The following RNF13 variants were observed in gnomAD, a reference collection of about 807,000 sequenced individuals.
RNF13 encodes the protein ring finger protein 13.
A neutral mutation model predicts 37.7 loss-of-function variants in RNF13; 19 were observed. The ratio of observed to expected loss-of-function variants is 0.50; its 90% CI spans 0.35 to 0.74. The LOEUF (loss-of-function observed/expected upper bound fraction) is 0.74, where lower values mean the gene tolerates loss of function less well. RNF13 is among the 30% of genes least tolerant of loss of function. RNF13 has a pLI of 0.01. For missense variants in RNF13, 375 were observed against 453.0 expected (o/e 0.83, Z 1.56); for synonymous variants, 144 against 157.8 (o/e 0.91, Z 0.65).
Position 149,960,924 on chromosome 3 carries a change from A to G in RNF13, c.966A>G (p.Ser322=). Reference sequence around the variant, plus strand: ...CTTTAGCTTCTGTCAGTGCCCAGTCATTTGGGGCTTTATCGGAATCCCGCT... The same window carrying G: ...CTTTAGCTTCTGTCAGTGCCCAGTCGTTTGGGGCTTTATCGGAATCCCGCT... ...LRPLASVSAQ[S]FGALSESRSH... Residue 322 remains serine (S), a synonymous_variant, in exon 10 of 10, where the codon TCA becomes TCG. Transcript: ENST00000392894. 1 of 1,614,182 alleles carries G rather than the reference A, an allele frequency of 6.2e-7. No individual in the cohort carries two copies. The highest frequency in any genetic ancestry group is 1.3e-5 in the African/African-American group (1 of 75,060).
chr3:149,942,174 T>G (rs1720347624), intron 8 of RNF13, among the ~76,000 whole-genome samples: 1 of 152,100 alleles, frequency 6.6e-6, no homozygotes, highest in Non-Finnish European at 1.5e-5. Context: ...CTTTTCAAGA[T>G]TGTTTTGGCT....
Position 149,846,020 on chromosome 3 carries a change from C to T in RNF13, c.-7C>T. The stretch of plus-strand genomic sequence containing the variant: ...CATCCTTGTCTTCCAGGTGATTTTA[C>T]AACGAGATGCTGCTCTCCATAGGGA... On this transcript the variant is annotated 5_prime_UTR_variant, in exon 2 of 10. Transcript: ENST00000392894. The T allele has an allele frequency of 1.3e-6, 2 of 1,593,996 alleles. No individual in the cohort carries two copies. The highest frequency in any genetic ancestry group is 1.3e-5 in the African/African-American group (1 of 74,564).
At chr3:149,868,816 T>C (rs1208219894) in intron 3 of RNF13, among the ~76,000 whole-genome samples, 2 of 151,828 alleles carry the variant, frequency 1.3e-5, no homozygotes, top group Admixed American at 1.3e-4. Flanking sequence ...TTAGTGTATG[T>C]CTTGGGGTAG....
At chr3:149,887,610 C>CT (rs1714196117) in intron 4 of RNF13, among the ~76,000 whole-genome samples, 1 of 152,174 alleles carries the variant, frequency 6.6e-6, no homozygotes, top group South Asian at 2.1e-4. Flanking sequence ...TTCTAGAAGT[C>CT]TTTTTGCAGA....
chr3:149,831,073 C>T (rs1285600925), intron 1 of RNF13, among the ~76,000 whole-genome samples: 1 of 152,230 alleles, frequency 6.6e-6, no homozygotes, highest in East Asian at 1.9e-4. Flanking sequence ...TATGGAAATG[C>T]CTGGATGTCC....
intron 6 of RNF13, among the ~76,000 whole-genome samples, chr3:149,905,897 G>C (rs1716337936): frequency 6.6e-6 from 1 of 151,948 alleles, no homozygotes; most frequent in East Asian, 1.9e-4. Context: ...TATATTTATA[G>C]AATTCTGCAA....
intron 2 of RNF13, chr3:149,851,392 T>C (rs1489416827): frequency 6.6e-6 from 1 of 152,230 alleles, no homozygotes; most frequent in Admixed American, 6.5e-5. Context: ...TGGAGTTGCT[T>C]ATCTGCATGC....
At chr3:149,813,521 A>G (rs1223545930) in intron 1 of RNF13, among the ~76,000 whole-genome samples, 168 bp downstream of exon 1, 1 of 152,208 alleles carries the variant, frequency 6.6e-6, no homozygotes, top group African/African-American at 2.4e-5. Context: ...CAAAAGGAAT[A>G]AAATAGCCTT....
chr3:149,870,885 A>G (rs148336950), intron 3 of RNF13, among the ~76,000 whole-genome samples: 1,944 of 151,864 alleles, frequency 0.013, 54 homozygotes, highest in Non-Finnish European at 0.021. Flanking sequence ...GTTCAGGACC[A>G]TACAGAACTG....
chr3:149,836,048 C>T (rs995809923), intron 1 of RNF13, among the ~76,000 whole-genome samples: 2 of 152,158 alleles, frequency 1.3e-5, no homozygotes, highest in African/African-American at 4.8e-5. Flanking sequence ...CCATGCCAAC[C>T]TCCATTTTTT....
chr3:149,925,111 A>C (rs1718505835), intron 8 of RNF13, among the ~76,000 whole-genome samples: 1 of 152,166 alleles, frequency 6.6e-6, no homozygotes, highest in Non-Finnish European at 1.5e-5. Context: ...GAGGTATAAA[A>C]TACTATTATT....
intron 7 of RNF13, among the ~76,000 whole-genome samples, chr3:149,914,390 AATC>A (rs1256028764): frequency 6.6e-6 from 1 of 152,086 alleles, no homozygotes; most frequent in Non-Finnish European, 1.5e-5. Context: ...TTAATCATGT[AATC>A]ATGTCATTAA....
intron 3 of RNF13, among the ~76,000 whole-genome samples, chr3:149,870,269 A>G (rs1201986494): frequency 6.6e-6 from 1 of 151,490 alleles, no homozygotes; most frequent in Admixed American, 6.6e-5. Flanking sequence ...AGTTGGAGGG[A>G]AATTTTCCTT....
chr3:149,943,139 TTTTC>T (rs1417441501), intron 8 of RNF13, among the ~76,000 whole-genome samples: 1 of 152,108 alleles, frequency 6.6e-6, no homozygotes, highest in African/African-American at 2.4e-5. Context: ...TTGCCTGCAG[TTTTC>T]TTTTTTTGTA....
At chr3:149,913,265 A>G (rs1282326133) in intron 7 of RNF13, among the ~76,000 whole-genome samples, 4 of 152,104 alleles carry the variant, frequency 2.6e-5, no homozygotes, top group Non-Finnish European at 4.4e-5. Flanking sequence ...TTTTCTTGCT[A>G]CCAAAAAAAG....
intron 3 of RNF13, among the ~76,000 whole-genome samples, chr3:149,863,079 A>C (rs1028798888): frequency 1.3e-5 from 2 of 152,192 alleles, no homozygotes; most frequent in African/African-American, 4.8e-5. Flanking sequence ...TGCCTGCACT[A>C]TCCCTTCTTG....
intron 8 of RNF13, among the ~76,000 whole-genome samples, chr3:149,953,140 C>G (rs898445929): frequency 6.6e-6 from 1 of 151,794 alleles, no homozygotes; most frequent in Non-Finnish European, 1.5e-5. Context: ...CTAGATTACC[C>G]AAAGTTAAAT....
intron 1 of RNF13, among the ~76,000 whole-genome samples, chr3:149,831,924 A>G (rs557024973): frequency 1.2e-4 from 19 of 152,308 alleles, no homozygotes; most frequent in African/African-American, 4.1e-4. Context: ...ATAGTGCCAT[A>G]TATATGTTAT....
chr3:149,894,302 G>T (rs556176355), intron 4 of RNF13, among the ~76,000 whole-genome samples: 6 of 152,254 alleles, frequency 3.9e-5, no homozygotes, highest in African/African-American at 9.6e-5. Flanking sequence ...CAAGTCAACT[G>T]ACCTGACTGG....
Sources: gnomAD v4.1 joint callset for allele counts (sites outside exome capture counted in the v4.1 genomes callset) on GRCh38, gnomAD v4.1.1 for gene constraint, MANE v1.5 for transcripts, NCBI Gene and HGNC (gene_info 2026-07-23, HGNC 2026-07-21) for gene names.